Variants in AKR1C8 observed in about 807,000 individuals in gnomAD.
AKR1C8 encodes aldo-keto reductase family 1 member C8.
chr10:5,128,857 G>A, the AKR1C8 span, among the ~76,000 whole-genome samples: 1 of 151,998 alleles, frequency 6.6e-6, no homozygotes, highest in Non-Finnish European at 1.5e-5. Context: ...ATACTCCACT[G>A]TACAGCACTA....
At chr10:5,142,510 A>C in the AKR1C8 span, among the ~76,000 whole-genome samples, 1 of 152,136 alleles carries the variant, frequency 6.6e-6, no homozygotes, top group African/African-American at 2.4e-5. Flanking sequence ...TGCTTAAATG[A>C]AAAATACGTT....
chr10:5,154,843 T>C, the AKR1C8 span: 1 of 152,258 alleles, frequency 6.6e-6, no homozygotes, highest in Non-Finnish European at 1.5e-5. Flanking sequence ...AACTGGAACG[T>C]CACGTTTATA....
At chr10:5,140,986 A>AAGATTTCTCTGTAGAG in the AKR1C8 span, among the ~76,000 whole-genome samples, 1 of 152,116 alleles carries the variant, frequency 6.6e-6, no homozygotes, top group Non-Finnish European at 1.5e-5. Flanking sequence ...TCTTTCATGA[A>AAGATTTCTCTGTAGAG]AGATTTCTCT....
chr10:5,142,821 TGTG>T, the AKR1C8 span, among the ~76,000 whole-genome samples: 8 of 151,956 alleles, frequency 5.3e-5, no homozygotes, highest in African/African-American at 1.9e-4. Context: ...ATTACTGAAA[TGTG>T]GGGAAAAAAC....
chr10:5,173,619 C>T, the AKR1C8 span, among the ~76,000 whole-genome samples: 2 of 149,886 alleles, frequency 1.3e-5, no homozygotes, highest in South Asian at 2.1e-4. Flanking sequence ...CCTAGAAAAC[C>T]GAAAAGCCAG....
chr10:5,135,202 C>G, the AKR1C8 span: 1 of 224,862 alleles, frequency 4.4e-6, no homozygotes, highest in Non-Finnish European at 9.9e-6. Flanking sequence ...TCATTTAGCT[C>G]CACACACTGA....
At chr10:5,139,603 G>A in the AKR1C8 span, among the ~76,000 whole-genome samples, 2 of 152,160 alleles carry the variant, frequency 1.3e-5, no homozygotes, top group South Asian at 2.1e-4. Flanking sequence ...GCCATATATA[G>A]AAAGCTGAAA....
the AKR1C8 span, among the ~76,000 whole-genome samples, chr10:5,175,828 G>T: frequency 7.1e-6 from 1 of 141,778 alleles, no homozygotes; most frequent in South Asian, 2.2e-4. Context: ...GGGGTTGTTT[G>T]TTTTTTTCTT....
At chr10:5,122,245 G>A in the AKR1C8 span, 1 of 280,530 alleles carries the variant, frequency 3.6e-6, no homozygotes, top group South Asian at 3.7e-5. Flanking sequence ...CTTTGCAAGG[G>A]GCAAAGGCAA....
the AKR1C8 span, among the ~76,000 whole-genome samples, chr10:5,161,259 G>C: frequency 3.9e-5 from 6 of 152,160 alleles, no homozygotes; most frequent in Admixed American, 3.3e-4. Context: ...TGGTGTGGAG[G>C]ACAGTGCTTA....
At chr10:5,166,747 A>G in the AKR1C8 span, among the ~76,000 whole-genome samples, 7 of 152,192 alleles carry the variant, frequency 4.6e-5, no homozygotes, top group Admixed American at 4.6e-4. Flanking sequence ...TCATGTCTAA[A>G]ACACCAAAAG....
the AKR1C8 span, among the ~76,000 whole-genome samples, chr10:5,116,702 T>C: frequency 6.6e-6 from 1 of 152,208 alleles, no homozygotes; most frequent in Non-Finnish European, 1.5e-5. Context: ...CCAGGTGCAC[T>C]GCTTGAAGTT....
At chr10:5,120,459 A>G in the AKR1C8 span, among the ~76,000 whole-genome samples, 1 of 152,144 alleles carries the variant, frequency 6.6e-6, no homozygotes, top group African/African-American at 2.4e-5. Context: ...TTATTCAGTA[A>G]TAGTAGTATT....
chr10:5,144,141 C>T, the AKR1C8 span, among the ~76,000 whole-genome samples: 2 of 152,116 alleles, frequency 1.3e-5, no homozygotes, highest in Non-Finnish European at 2.9e-5. Flanking sequence ...ATCCTTTCCC[C>T]ATTGCTTGTT....
chr10:5,147,064 G>C, the AKR1C8 span, among the ~76,000 whole-genome samples: 2 of 152,166 alleles, frequency 1.3e-5, no homozygotes, highest in Admixed American at 6.6e-5. Context: ...GTAGGCCTCT[G>C]GTGAGGGCCC....
chr10:5,157,156 T>C, the AKR1C8 span, among the ~76,000 whole-genome samples: 3 of 152,178 alleles, frequency 2.0e-5, no homozygotes, highest in Non-Finnish European at 4.4e-5. Flanking sequence ...ACTGAAGTAT[T>C]AGCAAATGAT....
At chr10:5,158,913 T>C in the AKR1C8 span, among the ~76,000 whole-genome samples, 1 of 152,196 alleles carries the variant, frequency 6.6e-6, no homozygotes, top group African/African-American at 2.4e-5. Context: ...TTATTCCTTT[T>C]CTATTCGTGT....
At chr10:5,123,578 G>A in the AKR1C8 span, 2,671 of 793,218 alleles carry the variant, frequency 3.4e-3, 40 homozygotes, top group African/African-American at 0.028. Context: ...GCATCACCTG[G>A]GATCTCGTCA....
chr10:5,137,091 A>G, the AKR1C8 span, among the ~76,000 whole-genome samples: 18 of 152,168 alleles, frequency 1.2e-4, no homozygotes, highest in African/African-American at 4.3e-4. Context: ...ATCTTAATTT[A>G]AACATTTTTT....
Sources: gnomAD v4.1 joint callset for allele counts (sites outside exome capture counted in the v4.1 genomes callset) on GRCh38, gnomAD v4.1.1 for gene constraint, MANE v1.5 for transcripts, NCBI Gene and HGNC (gene_info 2026-07-23, HGNC 2026-07-21) for gene names.